The following VPS13B variants were observed in gnomAD, a reference collection of about 807,000 sequenced individuals.
VPS13B encodes intermembrane lipid transfer protein VPS13B.
A neutral mutation model predicts 426.4 loss-of-function variants in VPS13B; 285 were observed. The ratio of observed to expected loss-of-function variants is 0.67; its 90% CI spans 0.61 to 0.74. The LOEUF is 0.74. Among genes scored for constraint, VPS13B ranks in the 30% least tolerant of loss-of-function variants. The pLI, the probability that VPS13B is intolerant of heterozygous loss-of-function variation, is 0.00. For synonymous variants in VPS13B, 1,676 were observed against 1,676.4 expected (o/e 1.00, Z 0.01); for missense variants, 4,537 against 4,782.6 (o/e 0.95, Z 1.51).
At chr8:99,105,260 G>T (rs1032543088) in intron 5 of VPS13B, among the ~76,000 whole-genome samples, 2 of 152,178 alleles carry the variant, frequency 1.3e-5, no homozygotes, top group Admixed American at 1.3e-4. Flanking sequence ...TCTGTGGAAA[G>T]AAATATTTGA....
intron 54 of VPS13B, among the ~76,000 whole-genome samples, chr8:99,838,449 A>G (rs974901043): frequency 1.3e-5 from 2 of 152,232 alleles, no homozygotes; most frequent in African/African-American, 4.8e-5. Flanking sequence ...AGGCAACATT[A>G]TTTTGAAAAA....
intron 42 of VPS13B, among the ~76,000 whole-genome samples, chr8:99,783,801 C>G (rs1812131690): frequency 6.6e-6 from 1 of 152,186 alleles, no homozygotes; most frequent in African/African-American, 2.4e-5. Context: ...TCTCACTGAG[C>G]AGATTTACAC....
At chr8:99,541,409 G>A (rs544134856) in intron 30 of VPS13B, among the ~76,000 whole-genome samples, 35 of 152,054 alleles carry the variant, frequency 2.3e-4, no homozygotes, top group African/African-American at 7.2e-4. Flanking sequence ...GTATACATGT[G>A]CCGTGGTGGT....
chr8:99,048,937 TG>T (rs1311846856), intron 3 of VPS13B, among the ~76,000 whole-genome samples: 1 of 152,238 alleles, frequency 6.6e-6, no homozygotes, highest in African/African-American at 2.4e-5. Context: ...CTTTTTTAAC[TG>T]CTGTTGCTTC....
At chr8:99,813,029 T>A (rs1458863617) in intron 44 of VPS13B, among the ~76,000 whole-genome samples, 1 of 152,208 alleles carries the variant, frequency 6.6e-6, no homozygotes, top group Non-Finnish European at 1.5e-5. Flanking sequence ...AAATTAATCT[T>A]GAAATTCTAA....
chr8:99,245,866 A>G lies in VPS13B; in HGVS notation c.2516-28332A>G, dbSNP rs1817188440. On this transcript the variant is annotated intron_variant, in intron 17 of 61. Coordinates refer to ENST00000357162, the MANE Select transcript of VPS13B (RefSeq NM_152564.5). ...GCCCTGATTTATTTTTTGAGTATAG[A>G]CAAAGCGGTATGATTATTTTACTGT... Among the ~76,000 whole-genome samples the G allele has an allele frequency of 2.6e-5, 4 of 152,176 alleles. No homozygotes were observed. The South Asian group carries it at 6.2e-4, about 24-fold the overall frequency.
In VPS13B at chr8:99,339,097, A is replaced by G. The variant is rs181661860; in HGVS notation, c.2825-45111A>G. ...TTTTAGTATACATATGTATGCACAT[A>G]TATATGTATCATTTTAAAAATATTT... On this transcript the variant is annotated intron_variant, in intron 19 of 61. Transcript: ENST00000357162. Among the ~76,000 whole-genome samples the G allele has an allele frequency of 2.5e-4, 38 of 152,296 alleles. 1 individual carries two copies. The highest frequency in any genetic ancestry group is 5.2e-4 in the Admixed American group (8 of 15,302).
chr8:99,223,093 G>C (rs776806099), intron 17 of VPS13B, among the ~76,000 whole-genome samples: 1 of 152,182 alleles, frequency 6.6e-6, no homozygotes, highest in Non-Finnish European at 1.5e-5. Flanking sequence ...CTCCCAAAGT[G>C]CTGGGATTAC....
intron 19 of VPS13B, among the ~76,000 whole-genome samples, chr8:99,351,431 AGAGAGTGTGT>A (rs1436161057): frequency 1.0e-4 from 15 of 147,518 alleles, no homozygotes; most frequent in African/African-American, 3.5e-4. Flanking sequence ...AGAGAGAGAG[AGAGAGTGTGT>A]GTGTGTGTGT....
chr8:99,863,958 T>C (rs1036960611), intron 58 of VPS13B, among the ~76,000 whole-genome samples: 1 of 152,204 alleles, frequency 6.6e-6, no homozygotes, highest in African/African-American at 2.4e-5. Flanking sequence ...TGTCCATGTC[T>C]TGACTCTGCA....
intron 35 of VPS13B, among the ~76,000 whole-genome samples, chr8:99,677,239 C>T (rs934760209): frequency 6.6e-6 from 1 of 152,194 alleles, no homozygotes; most frequent in African/African-American, 2.4e-5. Context: ...TGGGCTAAGG[C>T]CTATACCTTA....
At chr8:99,235,251 T>G (rs925375269) in intron 17 of VPS13B, among the ~76,000 whole-genome samples, 1 of 152,234 alleles carries the variant, frequency 6.6e-6, no homozygotes, top group Admixed American at 6.5e-5. Flanking sequence ...ATGTAGCAGC[T>G]GACAGCAGGT....
In VPS13B at chr8:99,511,520, C is replaced by T; in HGVS notation, c.4633+8C>T. On this transcript the variant is annotated splice_region_variant and intron_variant, in intron 29 of 61. Coordinates refer to ENST00000357162, the MANE Select transcript of VPS13B (RefSeq NM_152564.5). ...TGCAGCCAACTGTTGAAGGTATTGT[C>T]TTCTGATTTTTTTTGTCTGATTTTA... The T allele has an allele frequency of 6.2e-7, 1 of 1,607,842 alleles. No individual in the cohort carries two copies. The highest frequency in any genetic ancestry group is 1.1e-5 in the South Asian group (1 of 88,640).
intron 61 of VPS13B, among the ~76,000 whole-genome samples, chr8:99,874,786 T>C (rs1407911829): frequency 6.6e-6 from 1 of 152,244 alleles, no homozygotes; most frequent in Non-Finnish European, 1.5e-5. Flanking sequence ...CAGACTTTTA[T>C]GAACAATAAA....
intron 25 of VPS13B, among the ~76,000 whole-genome samples, chr8:99,494,367 CTTAA>C (rs1820781065): frequency 6.6e-6 from 1 of 151,940 alleles, no homozygotes; most frequent in Admixed American, 6.6e-5. Flanking sequence ...TTTGTGTCAT[CTTAA>C]TTTTTTTTAA....
At chr8:99,141,482 A>C (rs1395027302) in intron 12 of VPS13B, among the ~76,000 whole-genome samples, 1 of 152,100 alleles carries the variant, frequency 6.6e-6, no homozygotes, top group Non-Finnish European at 1.5e-5. Flanking sequence ...TCTTTAAGTT[A>C]CCTCATTCTG....
At chr8:99,095,218 A>G (rs540561064) in intron 3 of VPS13B, among the ~76,000 whole-genome samples, 2 of 152,314 alleles carry the variant, frequency 1.3e-5, no homozygotes, top group South Asian at 4.1e-4. Context: ...AAACAGGTCA[A>G]CTAGAATGAG....
chr8:99,080,763 A>T (rs1356330029), intron 3 of VPS13B, among the ~76,000 whole-genome samples: 1 of 152,148 alleles, frequency 6.6e-6, no homozygotes, highest in Non-Finnish European at 1.5e-5. Flanking sequence ...ATTGTGACTT[A>T]ATTTTGTTGA....
chr8:99,612,819 C>T (rs992771387), intron 33 of VPS13B, among the ~76,000 whole-genome samples: 1 of 152,200 alleles, frequency 6.6e-6, no homozygotes, highest in African/African-American at 2.4e-5. Context: ...TGAATAGTCT[C>T]AGACAAATGT....
Sources: allele counts gnomAD v4.1 joint callset (sites outside exome capture counted in the v4.1 genomes callset), GRCh38; gene constraint gnomAD v4.1.1; transcripts MANE v1.5; gene names NCBI Gene and HGNC (gene_info 2026-07-23, HGNC 2026-07-21).